Variants in DERA observed in about 807,000 individuals in gnomAD.
DERA encodes 2-deoxy-D-ribose 5-phosphate aldolase.
In DERA, 15 loss-of-function variants were observed where a neutral mutation model predicts 41.1. The ratio of observed to expected loss-of-function variants is 0.37; its 90% confidence interval spans 0.24 to 0.56. DERA has a LOEUF of 0.56. Ranked by LOEUF, DERA falls within the 20% of genes least tolerant of loss-of-function variation. The probability of loss-of-function intolerance (pLI) is 0.81; values close to 1 mark genes in which losing one functional copy is unlikely to be tolerated. For missense variants in DERA, 396 were observed against 403.4 expected, an observed-to-expected ratio of 0.98 and a Z score of 0.16; for synonymous variants, 139 against 137.4, an observed-to-expected ratio of 1.01 and a Z score of -0.08.
At position 16,006,994 on chromosome 12, in the gene DERA, G is replaced by A. The variant is rs574828874; in HGVS notation, c.637+24558G>A. Among the ~76,000 whole-genome samples the A allele has an allele frequency of 2.6e-4, 40 of 152,198 alleles. 1 individual carries two copies. In the South Asian group the frequency reaches 5.2e-3, roughly 20 times the overall value. ...GCTTTAGTTTTTAAATATTTGTCAC[G>A]TTATGTATCAAGCTCTTAGAACAGT... On this transcript the variant is annotated intron_variant, in intron 6 of 8. Coordinates refer to ENST00000428559, the MANE Select transcript of DERA (RefSeq NM_015954.4).
intron 1 of DERA, among the ~76,000 whole-genome samples, chr12:15,914,394 A>T (rs11056707): frequency 0.071 from 9,355 of 131,240 alleles, 930 homozygotes; most frequent in African/African-American, 0.26. Context: ...CAAAAAAGAT[A>T]AAAAAAAAAA....
chr12:16,028,489 T>C (rs11056758), intron 6 of DERA, among the ~76,000 whole-genome samples: 82,640 of 152,118 alleles, frequency 0.54, 25,206 homozygotes, highest in East Asian at 0.77. Context: ...GCCAAGCCCC[T>C]GCTCGAGGAG....
intron 1 of DERA, among the ~76,000 whole-genome samples, chr12:15,926,066 G>A (rs1295796460): frequency 2.0e-5 from 3 of 151,198 alleles, no homozygotes; most frequent in Admixed American, 2.0e-4. Context: ...CAGGTGATCC[G>A]CCCGCCTCAG....
Position 15,918,003 on chromosome 12 carries a change from T to C in DERA, c.31+6589T>C, listed in dbSNP as rs1948213400. ...TTCATCTACCTATCATCTCTCTGTA[T>C]CTACATAGTGAAAACCATGAGTTCA... On this transcript the variant is annotated intron_variant, in intron 1 of 8. Transcript: ENST00000428559. This position sits in a 1 kb window ranked among gnomAD's most constrained non-coding sequence, Gnocchi z 4.3. Among the ~76,000 whole-genome samples the C allele has an allele frequency of 6.6e-6, 1 of 152,182 alleles. No individual in the cohort carries two copies. Among genetic ancestry groups the C allele is most frequent in the African/African-American group, 2.4e-5 (1 of 41,442 alleles).
At chr12:16,030,668 C>T (rs1949086397) in intron 6 of DERA, among the ~76,000 whole-genome samples, 1 of 152,182 alleles carries the variant, frequency 6.6e-6, no homozygotes. Flanking sequence ...CCAACTCCAT[C>T]ACTCTCTATC....
chr12:15,915,422 C>T lies in DERA; in HGVS notation c.31+4008C>T, dbSNP rs780663546. 1.3e-5 allele frequency among the ~76,000 whole-genome samples: 2 copies of T among 151,986 alleles called. No individual in the cohort carries two copies. Among genetic ancestry groups the T allele is most frequent in the East Asian group, 1.9e-4 (1 of 5,176 alleles). ...TGGTGATTTTCCACTGCAAAGTTAA[C>T]GTTTAATTTTTGGAATGGATATTTA... On this transcript the variant is annotated intron_variant, in intron 1 of 8. Coordinates refer to ENST00000428559, the MANE Select transcript of DERA (RefSeq NM_015954.4). The surrounding 1 kb of genome is among the most constrained non-coding windows in gnomAD (Gnocchi z 4.8).
At chr12:15,962,652 A>C (rs975568447) in intron 4 of DERA, 161 bp from the exon 5 acceptor site, 6 of 545,986 alleles carry the variant, frequency 1.1e-5, no homozygotes, top group Non-Finnish European at 1.9e-5. Context: ...TGATGTTCTT[A>C]AGTGTCAGTG....
In DERA at chr12:16,012,804, T is replaced by C. The variant is rs1207038189; in HGVS notation, c.638-19738T>C. 6.6e-6 allele frequency among the ~76,000 whole-genome samples: 1 copy of C among 152,238 alleles called. No individual in the cohort carries two copies. Among genetic ancestry groups the C allele is most frequent in the African/African-American group, 2.4e-5 (1 of 41,464 alleles). On this transcript the variant is annotated intron_variant, in intron 6 of 8. Transcript: ENST00000428559. This position sits in a 1 kb window ranked among gnomAD's most constrained non-coding sequence, Gnocchi z 4.1. ...ATATATTTAATTTAAAAATTTTTAA[T>C]AACCACATTAATTAAATGAAGAGAA...
At chr12:15,978,454 C>T (rs1948713055) in intron 5 of DERA, among the ~76,000 whole-genome samples, 1 of 152,100 alleles carries the variant, frequency 6.6e-6, no homozygotes, top group Admixed American at 6.5e-5. Flanking sequence ...CTACTAAATG[C>T]CTGGTTCTAT....
intron 6 of DERA, among the ~76,000 whole-genome samples, chr12:15,991,214 T>A (rs186636068): frequency 2.3e-3 from 345 of 152,330 alleles, no homozygotes; most frequent in African/African-American, 7.3e-3. Context: ...ATCAGTGATG[T>A]TGAACTTTTT....
intron 1 of DERA, among the ~76,000 whole-genome samples, chr12:15,929,081 G>A (rs925704002): frequency 6.6e-6 from 1 of 152,170 alleles, no homozygotes; most frequent in Non-Finnish European, 1.5e-5. Context: ...GAGCAGAGGC[G>A]GGAAGCTTGT....
rs372791567 is a variant in DERA, at chr12:15,982,202, T to C, written c.509-106T>C. 8 of 1,155,276 alleles carry C rather than the reference T, an allele frequency of 6.9e-6. No homozygotes were observed. 71.6% of individuals were successfully genotyped at this position (1,155,276 alleles called of 1,614,324 possible). A position where few individuals can be genotyped will look rare whatever the true frequency, so the allele number is the denominator to read the frequency against. ...GGTGATTTTTAGAAAGTGACAAATG[T>C]TTTATGTTTCCTAAATGTGAAATGG... On this transcript the variant is annotated intron_variant, in intron 5 of 8. Coordinates refer to ENST00000428559, the MANE Select transcript of DERA (RefSeq NM_015954.4). This position sits in a 1 kb window ranked among gnomAD's most constrained non-coding sequence, Gnocchi z 4.0.
chr12:15,943,079 G>A lies in DERA; in HGVS notation c.32-13857G>A, dbSNP rs1948420122. 6.6e-6 allele frequency among the ~76,000 whole-genome samples: 1 copy of A among 152,180 alleles called. No individual in the cohort carries two copies. Reference sequence around the variant, plus strand: ...AGGGACAGCGATGTCACCCCTGACAGTGTGTTCTAATCTGTAAACTCTTCC... The same window carrying A: ...AGGGACAGCGATGTCACCCCTGACAATGTGTTCTAATCTGTAAACTCTTCC... On this transcript the variant is annotated intron_variant, in intron 1 of 8. Coordinates refer to ENST00000428559, the MANE Select transcript of DERA (RefSeq NM_015954.4). The surrounding 1 kb of genome is among the most constrained non-coding windows in gnomAD (Gnocchi z 4.5).
chr12:15,983,187 CA>C lies in DERA; in HGVS notation c.637+753del, dbSNP rs112969923. On this transcript the variant is annotated intron_variant, in intron 6 of 8. Transcript: ENST00000428559. This position sits in a 1 kb window ranked among gnomAD's most constrained non-coding sequence, Gnocchi z 6.2. The stretch of plus-strand genomic sequence containing the variant: ...CAATCTGTTCTCCACACTGTCACCA[CA>C]ATTTTTTTTTAATGCTAATTTTATT... Among the ~76,000 whole-genome samples the C allele has an allele frequency of 1.1e-4, 17 of 152,230 alleles. 1 individual carries two copies. The highest frequency in any genetic ancestry group is 4.1e-4 in the African/African-American group (17 of 41,560).
At chr12:16,015,837 A>G (rs985249474) in intron 6 of DERA, among the ~76,000 whole-genome samples, 3 of 152,202 alleles carry the variant, frequency 2.0e-5, no homozygotes, top group Admixed American at 1.3e-4. Context: ...TGTGTTTGCC[A>G]TTTGTCAGCT....
chr12:15,925,335 CTTAA>C lies in DERA; in HGVS notation c.31+13925_31+13928del, dbSNP rs1313772175. ...TCCTCTTGTTCCTTAAGTTTTAATGCTTAATTATTTTTTTCTCTGTAAATTTTCT... is the reference window on the plus strand; with the variant it reads ...TCCTCTTGTTCCTTAAGTTTTAATGCTTATTTTTTTCTCTGTAAATTTTCT... On this transcript the variant is annotated intron_variant, in intron 1 of 8. Coordinates refer to ENST00000428559, the MANE Select transcript of DERA (RefSeq NM_015954.4). Among the ~76,000 whole-genome samples, 13 of 152,156 alleles carry C rather than the reference CTTAA, an allele frequency of 8.5e-5. No individual in the cohort carries two copies. In the South Asian group the frequency reaches 2.5e-3, roughly 29 times the overall value.
rs2136179618 is a variant in DERA at position 16,011,883 on chromosome 12, C to T, written c.638-20659C>T. Among the ~76,000 whole-genome samples the T allele has an allele frequency of 6.6e-6, 1 of 152,280 alleles. No individual in the cohort carries two copies. The highest frequency in any genetic ancestry group is 1.9e-4 in the East Asian group (1 of 5,182). Reference sequence around the variant, plus strand: ...GGCATTTTCTTTTGTTTACAGGGTACTGGCCTAATTGCCATGAGTCTCATT... The same window carrying T: ...GGCATTTTCTTTTGTTTACAGGGTATTGGCCTAATTGCCATGAGTCTCATT... On this transcript the variant is annotated intron_variant, in intron 6 of 8. Transcript: ENST00000428559. This position sits in a 1 kb window ranked among gnomAD's most constrained non-coding sequence, Gnocchi z 4.7.
At position 15,966,643 on chromosome 12, in the gene DERA, T is replaced by C. The variant is rs998948145; in HGVS notation, c.508+3696T>C. Among the ~76,000 whole-genome samples, 3 of 152,124 alleles carry C rather than the reference T, an allele frequency of 2.0e-5. No individual in the cohort carries two copies. Among genetic ancestry groups the C allele is most frequent in the African/African-American group, 7.2e-5 (3 of 41,438 alleles). On this transcript the variant is annotated intron_variant, in intron 5 of 8. Transcript: ENST00000428559. This position sits in a 1 kb window ranked among gnomAD's most constrained non-coding sequence, Gnocchi z 5.1. Reference sequence around the variant, plus strand: ...CTGTTCCTTCCTTCTGGTAATGCTTTGTTGTTGTGGCTTTGGTGCCTACAT... The same window carrying C: ...CTGTTCCTTCCTTCTGGTAATGCTTCGTTGTTGTGGCTTTGGTGCCTACAT...
intron 5 of DERA, among the ~76,000 whole-genome samples, chr12:15,968,074 T>TTTC (rs780028254): frequency 6.8e-6 from 1 of 147,332 alleles, no homozygotes; most frequent in African/African-American, 2.5e-5. Flanking sequence ...CTCAGGACTC[T>TTTC]TTCTTCTTCT....
Sources: allele counts gnomAD v4.1 joint callset (sites outside exome capture counted in the v4.1 genomes callset), GRCh38; gene constraint gnomAD v4.1.1; non-coding constraint Gnocchi (gnomAD v3.1); transcripts MANE v1.5; gene names NCBI Gene and HGNC (gene_info 2026-07-23, HGNC 2026-07-21).